The following KLHL5 variants were observed in gnomAD, a reference collection of about 807,000 sequenced individuals.
KLHL5 encodes kelch like family member 5, also known as kelch-like protein 5.
KLHL5 carries 48 observed loss-of-function variants against 77.7 expected under a neutral mutation model. The ratio of observed to expected loss-of-function variants is 0.62; its 90% confidence interval spans 0.49 to 0.79. KLHL5 has a LOEUF of 0.79. Among genes scored for constraint, KLHL5 ranks in the 30% least tolerant of loss-of-function variants. The pLI, the probability that KLHL5 is intolerant of heterozygous loss-of-function variation, is 0.00. For synonymous variants in KLHL5, 260 were observed against 297.0 expected (o/e 0.88, Z 1.28); for missense variants, 723 against 859.7 (o/e 0.84, Z 1.99).
intron 1 of KLHL5, among the ~76,000 whole-genome samples, chr4:39,053,434 T>A: frequency 6.6e-6 from 1 of 152,324 alleles, no homozygotes; most frequent in African/African-American, 2.4e-5. Flanking sequence ...CTGGATTTGG[T>A]TGAAGTCAGT....
At chr4:39,083,106 C>T (rs1719759347) in intron 4 of KLHL5, among the ~76,000 whole-genome samples, 4 of 152,122 alleles carry the variant, frequency 2.6e-5, no homozygotes, top group African/African-American at 7.2e-5. Flanking sequence ...CCCTCTCCTC[C>T]GTCGTTCCAC....
At chr4:39,077,694 T>TAAAAAA (rs60744492) in intron 2 of KLHL5, among the ~76,000 whole-genome samples, 2 of 128,614 alleles carry the variant, frequency 1.6e-5, no homozygotes, top group Non-Finnish European at 1.7e-5. Flanking sequence ...GAACTAAAGG[T>TAAAAAA]AAAAAAAAAA....
chr4:39,104,506 T>C (rs1220927949), intron 7 of KLHL5, among the ~76,000 whole-genome samples: 1 of 152,198 alleles, frequency 6.6e-6, no homozygotes, highest in South Asian at 2.1e-4. Context: ...TAAATCCTTA[T>C]GGATATAGTA....
Position 39,122,233 on chromosome 4 carries a change from A to T in KLHL5, c.*1167A>T, listed in dbSNP as rs1432289974. ...CATTGAGATGTCTAAGATGCTTTTTATTTTAACCCCAGTTAATAACCACCT... is the reference window on the plus strand; with the variant it reads ...CATTGAGATGTCTAAGATGCTTTTTTTTTTAACCCCAGTTAATAACCACCT... On this transcript the variant is annotated 3_prime_UTR_variant, in exon 11 of 11. Coordinates refer to ENST00000504108, the MANE Select transcript of KLHL5 (RefSeq NM_015990.5). The T allele has an allele frequency of 6.6e-6, 1 of 152,304 alleles. No homozygotes were observed. Among genetic ancestry groups the T allele is most frequent in the Non-Finnish European group, 1.5e-5 (1 of 68,018 alleles). The allele number at this position is 152,304 out of a possible 1,614,324, so 9.4% of individuals were successfully genotyped here.
chr4:39,133,336 A>G, the KLHL5 span, among the ~76,000 whole-genome samples: 1 of 152,124 alleles, frequency 6.6e-6, no homozygotes, highest in African/African-American at 2.4e-5. Context: ...ATGTACATTC[A>G]TATAATAACC....
chr4:39,138,673 GATTA>G, the KLHL5 span, among the ~76,000 whole-genome samples: 2 of 152,086 alleles, frequency 1.3e-5, no homozygotes, highest in East Asian at 1.9e-4. Flanking sequence ...ATACCTGAGT[GATTA>G]ATTAATCTGT....
chr4:39,142,484 GACTGCATCC>G, the KLHL5 span, among the ~76,000 whole-genome samples: 63 of 151,950 alleles, frequency 4.1e-4, no homozygotes, highest in African/African-American at 1.5e-3. Context: ...TCTCTTAAAA[GACTGCATCC>G]ACTCTGGAGA....
chr4:39,060,337 T>C (rs140032275), upstream of KLHL5, among the ~76,000 whole-genome samples: 14 of 152,182 alleles, frequency 9.2e-5, no homozygotes, highest in African/African-American at 2.6e-4. Flanking sequence ...TGGAGGAGGA[T>C]TGGCAAAATA....
At chr4:39,051,545 A>G (rs190009119) in intron 1 of KLHL5, among the ~76,000 whole-genome samples, 3 of 152,324 alleles carry the variant, frequency 2.0e-5, no homozygotes, top group Admixed American at 1.3e-4. Context: ...TCAGAAGGCT[A>G]TCAGACAGGA....
At chr4:39,104,714 TTA>T (rs1721887055) in intron 7 of KLHL5, among the ~76,000 whole-genome samples, 1 of 152,222 alleles carries the variant, frequency 6.6e-6, no homozygotes, top group South Asian at 2.1e-4. Context: ...AGCAATGTTC[TTA>T]TTAAGTTACC....
Position 39,086,587 on chromosome 4 carries a change from G to T in KLHL5, c.973G>T (p.Ala325Ser). The T allele has an allele frequency of 6.2e-7, 1 of 1,613,964 alleles. No homozygotes were observed. Among genetic ancestry groups the T allele is most frequent in the Non-Finnish European group, 8.5e-7 (1 of 1,179,920 alleles). Residue 325 changes from alanine to serine, a missense_variant, in exon 5 of 11, where the codon GCT becomes TCT. Physicochemically the swap from Ala to Ser is moderately conservative, Grantham distance 99. Around this residue, in one of 3 missense-constraint regions of KLHL5, gnomAD observed 288 missense variants for 400.3 expected, o/e 0.72. Coordinates refer to ENST00000504108, the MANE Select transcript of KLHL5 (RefSeq NM_015990.5). ...LPASEIAKLL[A>S]SDDMNIPNEE... Reference sequence around the variant, plus strand: ...AGCCAGCGAAATTGCAAAGCTCTTGGCTAGTGATGACATGAACATTCCTAA... The same window carrying T: ...AGCCAGCGAAATTGCAAAGCTCTTGTCTAGTGATGACATGAACATTCCTAA...
At chr4:39,129,590 G>A (rs1016365844), downstream of KLHL5, among the ~76,000 whole-genome samples, 5 of 152,106 alleles carry the variant, frequency 3.3e-5, no homozygotes, top group African/African-American at 9.7e-5. The surrounding 1 kb of genome is among the most constrained non-coding windows in gnomAD (Gnocchi z 4.2). Context: ...TTTGGGGTAC[G>A]GATGATCCTG....
intron 10 of KLHL5, among the ~76,000 whole-genome samples, chr4:39,118,091 A>G (rs1722973282): frequency 6.6e-6 from 1 of 151,712 alleles, no homozygotes; most frequent in African/African-American, 2.4e-5. Flanking sequence ...ACAGAAGAAT[A>G]GAGTGTAGGA....
chr4:39,077,257 G>A (rs1719147150), intron 2 of KLHL5, among the ~76,000 whole-genome samples: 1 of 151,984 alleles, frequency 6.6e-6, no homozygotes, highest in Admixed American at 6.6e-5. Flanking sequence ...AGGAGATTGA[G>A]ACCATCCTGG....
chr4:39,096,185 G>A (rs1453021737), intron 5 of KLHL5, among the ~76,000 whole-genome samples: 3 of 151,926 alleles, frequency 2.0e-5, no homozygotes, highest in Admixed American at 2.0e-4. Flanking sequence ...GACACAAAAG[G>A]GATTTTAATG....
At chr4:39,076,283 C>T (rs1175437257) in intron 2 of KLHL5, 136 bp downstream of exon 2, 5 of 731,722 alleles carry the variant, frequency 6.8e-6, no homozygotes, top group Non-Finnish European at 1.1e-5. Flanking sequence ...ATCAAGAAAA[C>T]GGTGCATATG....
At position 39,123,555 on chromosome 4, in the gene KLHL5, A is replaced by G. The variant is rs1198463259; in HGVS notation, c.*2489A>G. On this transcript the variant is annotated 3_prime_UTR_variant, in exon 11 of 11. Coordinates refer to ENST00000504108, the MANE Select transcript of KLHL5 (RefSeq NM_015990.5). ...AAGAAATGCAGGGATGGTTCTACAT[A>G]CAAATGTCAATCGATGTAATAATAT... 6.6e-6 allele frequency among the ~76,000 whole-genome samples: 1 copy of G among 152,222 alleles called. No individual in the cohort carries two copies. The highest frequency in any genetic ancestry group is 1.9e-4 in the East Asian group (1 of 5,204).
chr4:39,048,153 G>A (rs1716337890), intron 1 of KLHL5, among the ~76,000 whole-genome samples: 1 of 152,160 alleles, frequency 6.6e-6, no homozygotes, highest in Non-Finnish European at 1.5e-5. Flanking sequence ...AGTATGGAAG[G>A]CAAGGAATTG....
chr4:39,100,277 A>G (rs1315255202), intron 6 of KLHL5, among the ~76,000 whole-genome samples: 1 of 152,204 alleles, frequency 6.6e-6, no homozygotes, highest in Non-Finnish European at 1.5e-5. Flanking sequence ...CACCCAAAGT[A>G]AACAATTCTC....
Sources: allele counts gnomAD v4.1 joint callset (sites outside exome capture counted in the v4.1 genomes callset), GRCh38; gene constraint gnomAD v4.1.1; regional missense constraint gnomAD v4.1.1; non-coding constraint Gnocchi (gnomAD v3.1); transcripts MANE v1.5; gene names NCBI Gene and HGNC (gene_info 2026-07-23, HGNC 2026-07-21).